Variants in DOCK4 observed in about 807,000 individuals in gnomAD.
DOCK4 encodes the protein dedicator of cytokinesis 4.
In DOCK4, 97 loss-of-function variants were observed where a neutral mutation model predicts 268.1. That is an observed-to-expected ratio of 0.36 (90% CI 0.31 to 0.43). DOCK4 has a LOEUF of 0.43. Among genes scored for constraint, DOCK4 ranks in the 20% least tolerant of loss-of-function variants. The probability of loss-of-function intolerance (pLI) is 1.00; values close to 1 mark genes in which losing one functional copy is unlikely to be tolerated. For synonymous variants in DOCK4, 954 were observed against 887.2 expected (o/e 1.08, Z -1.34); for missense variants, 2,145 against 2,455.7 (o/e 0.87, Z 2.67).
chr7:111,868,234 T>C (rs182460578), intron 21 of DOCK4, 80 bp from the exon 22 acceptor site: 223 of 1,115,234 alleles, frequency 2.0e-4, no homozygotes, highest in African/African-American at 5.1e-4. Flanking sequence ...ATAAAAACCA[T>C]GGTATGGCAT....
intron 26 of DOCK4, among the ~76,000 whole-genome samples, chr7:111,823,191 C>T (rs1410565501): frequency 6.8e-6 from 1 of 147,250 alleles, no homozygotes; most frequent in Non-Finnish European, 1.5e-5. Context: ...TATCATCAGA[C>T]ATGGAAATAT....
intron 1 of DOCK4, among the ~76,000 whole-genome samples, chr7:112,110,937 T>C (rs994470157): frequency 6.6e-6 from 1 of 152,192 alleles, no homozygotes; most frequent in African/African-American, 2.4e-5. Flanking sequence ...AATGCACCTG[T>C]ACCTCAGCAA....
intron 1 of DOCK4, among the ~76,000 whole-genome samples, chr7:112,110,197 C>T (rs1811525844): frequency 6.6e-6 from 1 of 152,194 alleles, no homozygotes; most frequent in African/African-American, 2.4e-5. Context: ...TAACAGATAA[C>T]TTCCCAATAA....
intron 49 of DOCK4, 93 bp from the exon 50 acceptor site, chr7:111,737,082 T>C (rs1169309579): frequency 2.6e-6 from 3 of 1,146,900 alleles, no homozygotes; most frequent in South Asian, 2.9e-5. Context: ...AGTAAAACTT[T>C]TTGTTCAAAA....
intron 1 of DOCK4, among the ~76,000 whole-genome samples, chr7:112,148,586 T>C (rs1815737967): frequency 6.6e-6 from 1 of 152,100 alleles, no homozygotes; most frequent in East Asian, 1.9e-4. Flanking sequence ...AATTTCACAT[T>C]TCAAATACAA....
At chr7:111,815,660 T>A in intron 27 of DOCK4, among the ~76,000 whole-genome samples, 1 of 102,850 alleles carries the variant, frequency 9.7e-6, no homozygotes. Flanking sequence ...CCTCCCCTCC[T>A]TTTTCTCTCT....
chr7:111,877,729 A>C (rs556141219), intron 16 of DOCK4, among the ~76,000 whole-genome samples: 1 of 152,344 alleles, frequency 6.6e-6, no homozygotes, highest in East Asian at 1.9e-4. Flanking sequence ...ACTTTCATAG[A>C]AAACGCCAGC....
At chr7:111,763,075 C>A (rs915939921) in intron 39 of DOCK4, among the ~76,000 whole-genome samples, 2 of 151,428 alleles carry the variant, frequency 1.3e-5, no homozygotes, top group Non-Finnish European at 2.9e-5. Context: ...GCTAAATAAC[C>A]CGTTTTTCAT....
intron 41 of DOCK4, among the ~76,000 whole-genome samples, 189 bp from the exon 42 acceptor site, chr7:111,755,790 T>G (rs542924851): frequency 2.0e-4 from 31 of 152,352 alleles, no homozygotes; most frequent in Middle Eastern, 3.4e-3. Context: ...AATTCCACTG[T>G]ATGTCATCAA....
chr7:112,139,080 G>A (rs184309934), intron 1 of DOCK4, among the ~76,000 whole-genome samples: 29 of 152,272 alleles, frequency 1.9e-4, no homozygotes, highest in Admixed American at 8.5e-4. Context: ...TGTGACAGTA[G>A]CCTGAGCAGA....
At chr7:111,927,060 C>A (rs1367794275) in intron 12 of DOCK4, among the ~76,000 whole-genome samples, 3 of 152,138 alleles carry the variant, frequency 2.0e-5, no homozygotes, top group Admixed American at 6.5e-5. Flanking sequence ...TAAGTTAAGT[C>A]TTAAAGAATA....
intron 37 of DOCK4, 96 bp from the exon 38 acceptor site, chr7:111,767,214 CT>C: frequency 1.1e-6 from 1 of 923,816 alleles, no homozygotes; most frequent in East Asian, 2.5e-5. Context: ...AGCACCAAGC[CT>C]TACTCCTTAA....
chr7:111,997,230 G>C (rs138867511), intron 4 of DOCK4, among the ~76,000 whole-genome samples: 19 of 152,278 alleles, frequency 1.2e-4, no homozygotes, highest in Middle Eastern at 6.8e-3. Flanking sequence ...CCAACAACTT[G>C]GCTTGATGCT....
intron 1 of DOCK4, among the ~76,000 whole-genome samples, chr7:112,203,417 T>A (rs367547370): frequency 1.3e-5 from 2 of 152,232 alleles, no homozygotes; most frequent in African/African-American, 2.4e-5. Context: ...CCATCTCCGA[T>A]ACATTTAATT....
At chr7:112,126,126 C>T (rs974778122) in intron 1 of DOCK4, among the ~76,000 whole-genome samples, 6 of 152,182 alleles carry the variant, frequency 3.9e-5, no homozygotes. Context: ...ATTGAAGAAT[C>T]ATCAATGGAA....
chr7:111,918,717 C>A lies in DOCK4; in HGVS notation c.1067-2813G>T, dbSNP rs146366343. ...ATCATTACCATCATCATTAGCATCA[C>A]CAGGATCTGGTATTTGTGGAATACT... On this transcript the variant is annotated intron_variant, in intron 12 of 52. Coordinates refer to ENST00000428084, the MANE Select transcript of DOCK4 (RefSeq NM_001363540.2). Among the ~76,000 whole-genome samples the A allele has an allele frequency of 5.9e-5, 9 of 152,262 alleles. 2 individuals are homozygous for A. The highest frequency in any genetic ancestry group is 2.2e-4 in the African/African-American group (9 of 41,532).
chr7:112,114,601 C>T (rs1811956056), intron 1 of DOCK4, among the ~76,000 whole-genome samples: 1 of 152,192 alleles, frequency 6.6e-6, no homozygotes. Context: ...CTCAAGACAA[C>T]CAGCATTCTC....
rs776007485 is a variant in DOCK4, at chr7:111,865,753, A to G, written c.2281-2189T>C. On this transcript the variant is annotated intron_variant, in intron 22 of 52. Coordinates refer to ENST00000428084, the MANE Select transcript of DOCK4 (RefSeq NM_001363540.2). Reference sequence around the variant, plus strand: ...GTTTTCTCTGGCTGGTAGCAGGAGAAGTAGTCAGAGAGATTCAAAGCATGA... The same window carrying G: ...GTTTTCTCTGGCTGGTAGCAGGAGAGGTAGTCAGAGAGATTCAAAGCATGA... 3.7e-4 allele frequency among the ~76,000 whole-genome samples: 57 copies of G among 152,242 alleles called. 1 individual carries two copies. The highest frequency in any genetic ancestry group is 7.3e-4 in the Non-Finnish European group (50 of 68,036).
chr7:111,808,870 G>A lies in DOCK4; in HGVS notation c.3117C>T (p.Asp1039=), dbSNP rs751993512. The change falls in exon 30 of 53, where the codon GAC becomes GAT. Residue 1039 remains aspartate, a synonymous_variant. Coordinates refer to ENST00000428084, the MANE Select transcript of DOCK4 (RefSeq NM_001363540.2). ...TTTCACAACCCATTGTTACCCGCAT[G>A]TCACCATACCTGAAATAGAACAAAA... The part of the protein sequence containing the change: ...KKKKVLEKYG[D]MRVTMGCEIF... 2.5e-6 allele frequency: 4 copies of A among 1,613,010 alleles called. No homozygotes were observed. The South Asian group carries it at 3.3e-5, about 13-fold the overall frequency.
Sources: gnomAD v4.1 joint callset for allele counts (sites outside exome capture counted in the v4.1 genomes callset) on GRCh38, gnomAD v4.1.1 for gene constraint, MANE v1.5 for transcripts, NCBI Gene and HGNC (gene_info 2026-07-23, HGNC 2026-07-21) for gene names.